Variants in ZNF407 observed in about 807,000 individuals in gnomAD.
ZNF407 encodes the protein zinc finger protein 407.
In ZNF407, 17 loss-of-function variants were observed where a neutral mutation model predicts 131.2. The observed-to-expected ratio is 0.13, with a 90% confidence interval of 0.09 to 0.19. The LOEUF is 0.19. ZNF407 is among the 10% of genes least tolerant of loss of function. The pLI, the probability that ZNF407 is intolerant of heterozygous loss-of-function variation, is 1.00. For synonymous variants in ZNF407, 1,156 were observed against 1,062.0 expected (o/e 1.09, Z -1.72); for missense variants, 2,681 against 2,830.6 (o/e 0.95, Z 1.20).
intron 3 of ZNF407, among the ~76,000 whole-genome samples, chr18:74,677,241 C>T (rs191774521): frequency 7.5e-4 from 114 of 152,274 alleles, no homozygotes; most frequent in African/African-American, 2.7e-3. Flanking sequence ...CAGGCATGTG[C>T]CTGCACACCA....
chr18:74,920,852 C>A, intron 8 of ZNF407, 160 bp downstream of exon 8: 1 of 1,275,420 alleles, frequency 7.8e-7, no homozygotes, highest in Non-Finnish European at 9.9e-7. Context: ...CAGTTTGATC[C>A]CACTCAACTA....
intron 3 of ZNF407, among the ~76,000 whole-genome samples, chr18:74,707,020 C>A (rs1439727004): frequency 6.7e-6 from 1 of 149,392 alleles, no homozygotes; most frequent in Non-Finnish European, 1.5e-5. Context: ...GGTGCCATCT[C>A]AGCTCACTGC....
intron 7 of ZNF407, among the ~76,000 whole-genome samples, chr18:74,913,617 C>G (rs1971705042): frequency 6.6e-6 from 1 of 152,192 alleles, no homozygotes; most frequent in Admixed American, 6.5e-5. Context: ...GGGATTGTAC[C>G]TAGCTGGTCA....
Position 74,860,305 on chromosome 18 carries a change from AACGAAGAAG to A in ZNF407, c.4878-16890_4878-16882del, listed in dbSNP as rs1375076498. ...AAGCAAGACCCCATCTCTTAAAAAA[AACGAAGAAG>A]AAGAAGAAGAAGAAGAAAATTCATA... On this transcript the variant is annotated intron_variant, in intron 4 of 8. Transcript: ENST00000299687. Among the ~76,000 whole-genome samples the A allele has an allele frequency of 4.6e-4, 68 of 147,192 alleles. 1 individual carries two copies. The highest frequency in any genetic ancestry group is 1.6e-3 in the African/African-American group (65 of 39,916).
At chr18:74,658,399 T>A (rs887996134) in intron 3 of ZNF407, among the ~76,000 whole-genome samples, 5 of 152,132 alleles carry the variant, frequency 3.3e-5, no homozygotes, top group Non-Finnish European at 4.4e-5. Flanking sequence ...TACAGGTGTG[T>A]GCCACCGCGC....
At chr18:75,022,519 A>C (rs1031653220) in intron 8 of ZNF407, among the ~76,000 whole-genome samples, 2 of 152,304 alleles carry the variant, frequency 1.3e-5, no homozygotes, top group Middle Eastern at 3.4e-3. Flanking sequence ...ACCTCTCTGC[A>C]CTTGAATTTA....
intron 3 of ZNF407, among the ~76,000 whole-genome samples, chr18:74,659,906 T>C (rs1374466128): frequency 6.6e-6 from 1 of 152,186 alleles, no homozygotes; most frequent in Non-Finnish European, 1.5e-5. Context: ...TATATTTCTA[T>C]GCATTTTGGA....
intron 1 of ZNF407, among the ~76,000 whole-genome samples, chr18:74,630,221 G>A (rs1263053729): frequency 4.0e-5 from 6 of 150,402 alleles, no homozygotes; most frequent in South Asian, 2.1e-4. Context: ...CCCAGGCTGG[G>A]GTGCAGTGGT....
At position 74,743,974 on chromosome 18, in the gene ZNF407, G is replaced by A. The variant is rs199792765; in HGVS notation, c.4803-37454G>A. Among the ~76,000 whole-genome samples, 3 of 152,034 alleles carry A rather than the reference G, an allele frequency of 2.0e-5. No homozygotes were observed. The East Asian group carries it at 5.8e-4, about 29-fold the overall frequency. On this transcript the variant is annotated intron_variant, in intron 3 of 8. Transcript: ENST00000299687. Reference sequence around the variant, plus strand: ...TCTTAGAATAACATAAATACTGTATGTTAAATTATTATAATGTACTACATA... The same window carrying A: ...TCTTAGAATAACATAAATACTGTATATTAAATTATTATAATGTACTACATA...
intron 3 of ZNF407, among the ~76,000 whole-genome samples, chr18:74,776,842 C>T (rs188510493): frequency 5.9e-5 from 9 of 152,178 alleles, no homozygotes; most frequent in Non-Finnish European, 1.2e-4. Context: ...TTAGAGAAAA[C>T]GTTATTAAGA....
chr18:74,788,609 A>G lies in ZNF407; in HGVS notation c.4877+7107A>G, dbSNP rs372050482. Among the ~76,000 whole-genome samples, 238 of 138,646 alleles carry G rather than the reference A, an allele frequency of 1.7e-3. 2 individuals are homozygous for G. The highest frequency in any genetic ancestry group is 5.3e-3 in the African/African-American group (202 of 38,372). The allele number at this position is 138,646 out of a possible 152,430, so 91.0% of individuals were successfully genotyped here. A position where few individuals can be genotyped will look rare whatever the true frequency, so the allele number is the denominator to read the frequency against. ...CTGTTTCTTTTAGTACATCTTGGTTATCTTGAAAAAAAAAAAAAAACACCA... is the reference window on the plus strand; with the variant it reads ...CTGTTTCTTTTAGTACATCTTGGTTGTCTTGAAAAAAAAAAAAAAACACCA... On this transcript the variant is annotated intron_variant, in intron 4 of 8. Coordinates refer to ENST00000299687, the MANE Select transcript of ZNF407 (RefSeq NM_017757.3).
chr18:74,792,946 T>C (rs909678373), intron 4 of ZNF407, among the ~76,000 whole-genome samples: 1 of 152,206 alleles, frequency 6.6e-6, no homozygotes, highest in African/African-American at 2.4e-5. Flanking sequence ...AAATATCTTT[T>C]ATATATGCAG....
At chr18:74,727,786 G>A (rs540077825) in intron 3 of ZNF407, among the ~76,000 whole-genome samples, 14 of 152,330 alleles carry the variant, frequency 9.2e-5, no homozygotes, top group South Asian at 2.1e-4. Context: ...TGAAAGTGCC[G>A]TCTGATGGCA....
chr18:74,668,133 C>T (rs996997099), intron 3 of ZNF407, among the ~76,000 whole-genome samples: 3 of 152,150 alleles, frequency 2.0e-5, no homozygotes, highest in Non-Finnish European at 2.9e-5. Context: ...GCCAATATGA[C>T]ACCACCCGGG....
intron 6 of ZNF407, among the ~76,000 whole-genome samples, chr18:74,886,781 G>A (rs1971316090): frequency 6.6e-6 from 1 of 152,098 alleles, no homozygotes; most frequent in Admixed American, 6.5e-5. Flanking sequence ...TCTTTTTGGG[G>A]GTGATGGTTG....
At chr18:74,778,232 A>G (rs1415078025) in intron 3 of ZNF407, among the ~76,000 whole-genome samples, 2 of 151,988 alleles carry the variant, frequency 1.3e-5, no homozygotes, top group African/African-American at 2.4e-5. Context: ...CCCCAGGTTT[A>G]TGCTCCCACA....
At chr18:74,630,333 G>A (rs937377548) in intron 1 of ZNF407, among the ~76,000 whole-genome samples, 10 of 151,954 alleles carry the variant, frequency 6.6e-5, no homozygotes, top group African/African-American at 2.4e-4. Context: ...ACCATACCTG[G>A]CTAATTTTTT....
chr18:74,882,559 G>A (rs186207918), intron 6 of ZNF407, among the ~76,000 whole-genome samples: 2 of 152,340 alleles, frequency 1.3e-5, no homozygotes, highest in South Asian at 2.1e-4. Flanking sequence ...GCTAATGCCA[G>A]CCATTCCTTT....
At chr18:75,016,390 T>C (rs1319218055) in intron 8 of ZNF407, among the ~76,000 whole-genome samples, 1 of 152,150 alleles carries the variant, frequency 6.6e-6, no homozygotes, top group Non-Finnish European at 1.5e-5. Context: ...TTTCAACTTA[T>C]TTCACCATAA....
Sources: gnomAD v4.1 joint callset for allele counts (sites outside exome capture counted in the v4.1 genomes callset) on GRCh38, gnomAD v4.1.1 for gene constraint, MANE v1.5 for transcripts, NCBI Gene and HGNC (gene_info 2026-07-23, HGNC 2026-07-21) for gene names.